ANTXR2: variants seen among roughly 807,000 people sequenced by gnomAD.
ANTXR2 encodes ANTXR cell adhesion molecule 2, also known as anthrax toxin receptor 2.
A neutral mutation model predicts 73.7 loss-of-function variants in ANTXR2; 44 were observed. The observed-to-expected ratio is 0.60, with a 90% CI of 0.47 to 0.77. The LOEUF (loss-of-function observed/expected upper bound fraction) is 0.77. ANTXR2 is among the 30% of genes least tolerant of loss of function. ANTXR2 has a pLI of 0.00. For missense variants in ANTXR2, 604 were observed against 592.5 expected (o/e 1.02, Z -0.20); for synonymous variants, 217 against 205.9 (o/e 1.05, Z -0.46).
chr4:79,916,324 G>T (rs1270131885), intron 16 of ANTXR2, among the ~76,000 whole-genome samples: 3 of 151,974 alleles, frequency 2.0e-5, no homozygotes, highest in Non-Finnish European at 4.4e-5. Flanking sequence ...ATCTTTGTTG[G>T]AAATACCTTC....
At chr4:80,061,242 C>A (rs1329334249) in intron 3 of ANTXR2, among the ~76,000 whole-genome samples, 1 of 151,548 alleles carries the variant, frequency 6.6e-6, no homozygotes, top group East Asian at 2.0e-4. Context: ...AAATCGTAGG[C>A]CTAGACCCAG....
In ANTXR2 at chr4:80,070,869, TA is replaced by T. The variant is rs1008724940; in HGVS notation, c.224+713del. ...GTGTTTGCTCATTGCATTTTTTCTT[TA>T]AAAAAAAAAGAAGGAAAAAAAAAGC... On this transcript the variant is annotated intron_variant, in intron 2 of 16. Transcript: ENST00000403729. 4.7e-4 allele frequency among the ~76,000 whole-genome samples: 69 copies of T among 146,852 alleles called. 1 individual carries two copies. The highest frequency in any genetic ancestry group is 2.1e-3 in the Admixed American group (31 of 14,794).
chr4:80,008,063 T>C (rs974056003), intron 12 of ANTXR2, among the ~76,000 whole-genome samples: 3 of 152,160 alleles, frequency 2.0e-5, no homozygotes, highest in East Asian at 1.9e-4. Context: ...CTGACAATTG[T>C]GCATGACTAA....
At chr4:80,031,567 T>C in intron 10 of ANTXR2, 56 bp downstream of exon 10, 1 of 1,277,136 alleles carries the variant, frequency 7.8e-7, no homozygotes, top group Non-Finnish European at 1.1e-6. Context: ...ATGTCACCAT[T>C]TTCTAATAAT....
chr4:80,058,152 T>C (rs1299426593), intron 3 of ANTXR2, among the ~76,000 whole-genome samples: 2 of 152,040 alleles, frequency 1.3e-5, no homozygotes, highest in Non-Finnish European at 2.9e-5. Flanking sequence ...CTCCATTCAG[T>C]TCAAATCAGC....
intron 16 of ANTXR2, among the ~76,000 whole-genome samples, chr4:79,915,858 C>A (rs201184022): frequency 0.17 from 19,497 of 116,300 alleles, 1,388 homozygotes; most frequent in Middle Eastern, 0.2. Flanking sequence ...CTCTCTCTCT[C>A]TCTCTATATA....
intron 7 of ANTXR2, among the ~76,000 whole-genome samples, chr4:80,052,839 T>A (rs547310188): frequency 1.3e-5 from 2 of 151,672 alleles, no homozygotes; most frequent in Admixed American, 1.3e-4. Context: ...CCAACAAACA[T>A]AATAAAACAA....
At position 79,929,737 on chromosome 4, in the gene ANTXR2, C is replaced by CAA. The variant is rs5859710; in HGVS notation, c.1429-22272_1429-22271dup. On this transcript the variant is annotated intron_variant, in intron 16 of 16. Coordinates refer to ENST00000403729, the MANE Select transcript of ANTXR2 (RefSeq NM_058172.6). ...CCAAACTGATATATATGCAAATATACAAAAAAAAGTAAAGCAGGGAAACCA... is the reference window on the plus strand; with the variant it reads ...CCAAACTGATATATATGCAAATATACAAAAAAAAAAGTAAAGCAGGGAAACCA... 2.7e-4 allele frequency among the ~76,000 whole-genome samples: 41 copies of CAA among 151,628 alleles called. 1 individual carries two copies. In the East Asian group the frequency reaches 5.6e-3, roughly 21 times the overall value.
chr4:80,063,231 G>A (rs147154034), intron 3 of ANTXR2, among the ~76,000 whole-genome samples: 1 of 152,118 alleles, frequency 6.6e-6, no homozygotes, highest in African/African-American at 2.4e-5. Context: ...GGCAGCAAGA[G>A]GGTGAGTAAT....
intron 11 of ANTXR2, among the ~76,000 whole-genome samples, chr4:80,013,516 C>G (rs6534706): frequency 0.74 from 112,713 of 152,120 alleles, 42,108 homozygotes; most frequent in East Asian, 0.94. Flanking sequence ...CCAATGACTA[C>G]AATAATAGTG....
intron 3 of ANTXR2, among the ~76,000 whole-genome samples, chr4:80,063,001 G>GA (rs1212022564): frequency 4.0e-5 from 6 of 151,426 alleles, no homozygotes; most frequent in Non-Finnish European, 5.9e-5. Context: ...AAAGAAAAAT[G>GA]AAAAAAAATG....
chr4:79,964,863 A>C (rs1395025338), intron 16 of ANTXR2: 1 of 152,092 alleles, frequency 6.6e-6, no homozygotes, highest in Non-Finnish European at 1.5e-5. Flanking sequence ...TGAAACATTC[A>C]TGTCTCGGAG....
Position 79,992,056 on chromosome 4 carries a change from C to T in ANTXR2, c.1042-7193G>A, listed in dbSNP as rs140541481. On this transcript the variant is annotated intron_variant, in intron 12 of 16. Transcript: ENST00000403729. ...AAATCATTTGTACACCAAACACCAG[C>T]AACACATAATTTACCCCTGTAACAA... Among the ~76,000 whole-genome samples the T allele has an allele frequency of 3.9e-3, 589 of 152,026 alleles. 3 individuals carry two copies. The highest frequency in any genetic ancestry group is 0.013 in the African/African-American group (551 of 41,492).
At chr4:80,048,924 T>C (rs1254349648) in intron 7 of ANTXR2, among the ~76,000 whole-genome samples, 2 of 151,748 alleles carry the variant, frequency 1.3e-5, no homozygotes, top group African/African-American at 4.8e-5. Context: ...AATTCAGGTT[T>C]ATTTAAATGT....
At position 79,982,363 on chromosome 4, in the gene ANTXR2, C is replaced by G. The variant is rs982315950; in HGVS notation, c.1179+1515G>C. Among the ~76,000 whole-genome samples, 13 of 152,080 alleles carry G rather than the reference C, an allele frequency of 8.5e-5. No individual in the cohort carries two copies. In the East Asian group the frequency reaches 1.7e-3, roughly 20 times the overall value. ...CACATTTTTGGTATATTCTATCAAG[C>G]CTTTTTTCCCCGTTATATAGATCTT... On this transcript the variant is annotated intron_variant, in intron 14 of 16. Coordinates refer to ENST00000403729, the MANE Select transcript of ANTXR2 (RefSeq NM_058172.6).
intron 12 of ANTXR2, among the ~76,000 whole-genome samples, chr4:79,992,378 G>C (rs866785425): frequency 6.6e-6 from 1 of 151,274 alleles, no homozygotes; most frequent in East Asian, 1.9e-4. Flanking sequence ...CCAAACCTCA[G>C]GGAAAAAATA....
At chr4:79,944,293 A>G (rs1313371206) in intron 16 of ANTXR2, among the ~76,000 whole-genome samples, 1 of 95,812 alleles carries the variant, frequency 1.0e-5, no homozygotes, top group East Asian at 3.1e-4. Context: ...TAATGCTGAA[A>G]AAGTAACACA....
intron 11 of ANTXR2, among the ~76,000 whole-genome samples, chr4:80,011,317 G>A (rs1040012860): frequency 6.1e-5 from 8 of 130,254 alleles, no homozygotes; most frequent in African/African-American, 2.1e-4. Flanking sequence ...CTATCTATCT[G>A]TCTATCATCT....
intron 11 of ANTXR2, among the ~76,000 whole-genome samples, chr4:80,015,643 A>T (rs2110064873): frequency 6.6e-6 from 1 of 152,164 alleles, no homozygotes; most frequent in East Asian, 1.9e-4. Context: ...CTGAAAAAAA[A>T]AATCTGCTCA....
Sources: gnomAD v4.1 joint callset for allele counts (sites outside exome capture counted in the v4.1 genomes callset) on GRCh38, gnomAD v4.1.1 for gene constraint, MANE v1.5 for transcripts, NCBI Gene and HGNC (gene_info 2026-07-23, HGNC 2026-07-21) for gene names.